The following DOCK2 variants were observed in gnomAD, a reference collection of about 807,000 sequenced individuals.
DOCK2 encodes dedicator of cytokinesis 2, also known as dedicator of cytokinesis protein 2.
Under a neutral mutation model 248.9 loss-of-function variants are expected in DOCK2, and 87 were observed. The ratio of observed to expected loss-of-function variants is 0.35; its 90% CI spans 0.29 to 0.42. The LOEUF is 0.42. Ranked by LOEUF, DOCK2 falls within the 10% of genes least tolerant of loss-of-function variation. The probability of loss-of-function intolerance (pLI) is 1.00; values close to 1 mark genes in which losing one functional copy is unlikely to be tolerated. For missense variants in DOCK2, 1,747 were observed against 2,300.2 expected, an observed-to-expected ratio of 0.76 and a Z score of 4.92; for synonymous variants, 805 against 821.6, an observed-to-expected ratio of 0.98 and a Z score of 0.35.
intron 27 of DOCK2, among the ~76,000 whole-genome samples, chr5:169,904,456 C>A (rs1488842560): frequency 6.6e-6 from 1 of 152,236 alleles, no homozygotes; most frequent in East Asian, 1.9e-4. Context: ...CACTTCTGGG[C>A]AGCTTCCCTT....
At chr5:169,641,936 G>A (rs1757172951) in intron 1 of DOCK2, among the ~76,000 whole-genome samples, 1 of 152,234 alleles carries the variant, frequency 6.6e-6, no homozygotes, top group African/African-American at 2.4e-5. Context: ...CCAAGTCAGA[G>A]TTCATTGCCA....
chr5:169,846,268 G>A (rs1323119670), intron 27 of DOCK2, among the ~76,000 whole-genome samples: 2 of 152,070 alleles, frequency 1.3e-5, no homozygotes, highest in East Asian at 1.9e-4. Flanking sequence ...TTCAGGGATA[G>A]GAACATTGCA....
intron 33 of DOCK2, among the ~76,000 whole-genome samples, chr5:170,026,021 GTATA>G (rs1755903045): frequency 6.6e-6 from 1 of 151,734 alleles, no homozygotes; most frequent in Non-Finnish European, 1.5e-5. Context: ...TCCAGGCCCG[GTATA>G]TCTCCTTCAA....
chr5:169,679,011 C>T (rs917982288), intron 6 of DOCK2, among the ~76,000 whole-genome samples: 1 of 151,934 alleles, frequency 6.6e-6, no homozygotes, highest in Non-Finnish European at 1.5e-5. Flanking sequence ...GGGGCTGGAA[C>T]CTTGAGGATT....
At chr5:169,918,772 G>T (rs974619472) in intron 27 of DOCK2, among the ~76,000 whole-genome samples, 2 of 152,090 alleles carry the variant, frequency 1.3e-5, no homozygotes, top group African/African-American at 4.8e-5. Context: ...AATTAACCAG[G>T]CGTGGTGGCA....
At chr5:169,638,530 TAATG>T (rs1378575523) in intron 1 of DOCK2, among the ~76,000 whole-genome samples, 1 of 152,142 alleles carries the variant, frequency 6.6e-6, no homozygotes, top group Admixed American at 6.5e-5. Flanking sequence ...GAAGTAATAA[TAATG>T]CAGGTCTCAT....
chr5:169,745,533 A>C (rs906610750), intron 22 of DOCK2, among the ~76,000 whole-genome samples: 3 of 152,176 alleles, frequency 2.0e-5, no homozygotes, highest in African/African-American at 7.2e-5. Context: ...TGTAGAGCAA[A>C]GCAGTGTGCA....
At position 170,083,077 on chromosome 5, in the gene DOCK2, C is replaced by A. The variant is rs192346052; in HGVS notation, c.*219C>A. 3.5e-6 allele frequency: 2 copies of A among 570,616 alleles called. No homozygotes were observed. Among genetic ancestry groups the A allele is most frequent in the South Asian group, 4.4e-5 (2 of 45,138 alleles). The allele number at this position is 570,616 out of a possible 1,614,324, so 35.3% of individuals were successfully genotyped here. A position where few individuals can be genotyped will look rare whatever the true frequency, so the allele number is the denominator to read the frequency against. ...ATCATGGTGGATGAGGAAGCCTCAA[C>A]GTAGATTCCTGAACTCAAGGTACCA... On this transcript the variant is annotated 3_prime_UTR_variant, in exon 52 of 52. Transcript: ENST00000520908.
intron 27 of DOCK2, among the ~76,000 whole-genome samples, chr5:169,854,002 A>AT (rs1365131753): frequency 1.3e-4 from 20 of 150,384 alleles, no homozygotes; most frequent in African/African-American, 4.9e-4. Flanking sequence ...TGCTGGGCTA[A>AT]TTTTTTGTGT....
intron 27 of DOCK2, among the ~76,000 whole-genome samples, chr5:169,935,032 G>A (rs746873870): frequency 2.6e-5 from 4 of 152,130 alleles, no homozygotes; most frequent in South Asian, 2.1e-4. Context: ...TTGGGAAGGC[G>A]GGAAAATTAA....
intron 26 of DOCK2, among the ~76,000 whole-genome samples, chr5:169,823,507 C>G (rs1457703203): frequency 6.6e-6 from 1 of 152,086 alleles, no homozygotes; most frequent in Non-Finnish European, 1.5e-5. Flanking sequence ...TAAACAGAAC[C>G]AAAGACAAAA....
intron 27 of DOCK2, among the ~76,000 whole-genome samples, chr5:169,846,135 A>G (rs1770285605): frequency 6.6e-6 from 1 of 152,198 alleles, no homozygotes; most frequent in African/African-American, 2.4e-5. Context: ...ATTAATCAAT[A>G]TTTGTGGTAA....
At chr5:169,675,990 G>A (rs1006767868) in intron 6 of DOCK2, among the ~76,000 whole-genome samples, 5 of 150,646 alleles carry the variant, frequency 3.3e-5, no homozygotes, top group Non-Finnish European at 7.4e-5. Context: ...TGCTACTGCC[G>A]TTGGTTCCAT....
intron 27 of DOCK2, among the ~76,000 whole-genome samples, chr5:169,866,447 C>T (rs144615500): frequency 1.7e-4 from 26 of 152,206 alleles, no homozygotes; most frequent in Admixed American, 3.3e-4. Flanking sequence ...CAAAGGACCT[C>T]AGTGAAGCTT....
chr5:170,066,062 C>T (rs1757484656), intron 44 of DOCK2, among the ~76,000 whole-genome samples: 1 of 151,244 alleles, frequency 6.6e-6, no homozygotes, highest in South Asian at 2.1e-4. Context: ...TGCCATTCTC[C>T]TGTCTCAGCC....
At chr5:169,915,054 CT>C (rs1366935946) in intron 27 of DOCK2, among the ~76,000 whole-genome samples, 7 of 152,348 alleles carry the variant, frequency 4.6e-5, no homozygotes, top group African/African-American at 1.7e-4. Flanking sequence ...GACCAGCTGT[CT>C]TCACCCCAGA....
chr5:169,706,776 G>A (rs900242110), intron 14 of DOCK2, among the ~76,000 whole-genome samples: 1 of 152,184 alleles, frequency 6.6e-6, no homozygotes, highest in Non-Finnish European at 1.5e-5. Context: ...CGATTTGGCT[G>A]CAAGTACTGT....
intron 30 of DOCK2, among the ~76,000 whole-genome samples, chr5:170,007,559 T>A (rs1403332741): frequency 6.6e-6 from 1 of 152,200 alleles, no homozygotes; most frequent in Non-Finnish European, 1.5e-5. Context: ...CAGACAGGTT[T>A]ACCGAGGCTC....
chr5:170,048,964 A>G (rs555232230), intron 40 of DOCK2, among the ~76,000 whole-genome samples: 49 of 152,292 alleles, frequency 3.2e-4, no homozygotes, highest in Non-Finnish European at 6.0e-4. Context: ...TCAACAATCA[A>G]TGTGGAAGTG....
Sources: gnomAD v4.1 joint callset for allele counts (sites outside exome capture counted in the v4.1 genomes callset) on GRCh38, gnomAD v4.1.1 for gene constraint, MANE v1.5 for transcripts, NCBI Gene and HGNC (gene_info 2026-07-23, HGNC 2026-07-21) for gene names.